WDHD1: variants seen among roughly 807,000 people sequenced by gnomAD.
WDHD1 encodes WD repeat and HMG-box DNA-binding protein 1.
In WDHD1, 111 loss-of-function variants were observed where a neutral mutation model predicts 135.4. The observed-to-expected ratio is 0.82, with a 90% CI of 0.70 to 0.96. WDHD1 has a LOEUF of 0.96. Ranked by LOEUF, WDHD1 falls within the 40% of genes least tolerant of loss-of-function variation. The pLI, the probability that WDHD1 is intolerant of heterozygous loss-of-function variation, is 0.00. For synonymous variants in WDHD1, 434 were observed against 439.0 expected (o/e 0.99, Z 0.14); for missense variants, 1,351 against 1,336.3 (o/e 1.01, Z -0.17).
chr14:54,998,929 T>C (rs1394516308), intron 10 of WDHD1, among the ~76,000 whole-genome samples: 1 of 152,224 alleles, frequency 6.6e-6, no homozygotes, highest in Non-Finnish European at 1.5e-5. Context: ...GTTCTAACTA[T>C]ACATAATTCA....
intron 18 of WDHD1, among the ~76,000 whole-genome samples, chr14:54,965,270 A>G (rs2041322523): frequency 6.6e-6 from 1 of 152,192 alleles, no homozygotes; most frequent in Admixed American, 6.5e-5. Flanking sequence ...AAATGATACT[A>G]TACTCCTCTC....
chr14:54,951,942 G>A lies in WDHD1; in HGVS notation c.3050+3619C>T, dbSNP rs893474579. 3.9e-5 allele frequency among the ~76,000 whole-genome samples: 6 copies of A among 152,164 alleles called. No homozygotes were observed. In the East Asian group the frequency reaches 7.7e-4, roughly 20 times the overall value. On this transcript the variant is annotated intron_variant, in intron 24 of 25. Transcript: ENST00000360586. ...AAGGCCTGTGACAAAATTCAACAACGCTTCATGCTAAAAAACTCTCAATAA... is the reference window on the plus strand; with the variant it reads ...AAGGCCTGTGACAAAATTCAACAACACTTCATGCTAAAAAACTCTCAATAA...
chr14:54,981,644 T>A lies in WDHD1; in HGVS notation c.1959A>T (p.Gly653=). 1.2e-6 allele frequency: 2 copies of A among 1,611,948 alleles called. No homozygotes were observed. Among genetic ancestry groups the A allele is most frequent in the Middle Eastern group, 1.7e-4 (1 of 6,054 alleles). Residue 653 remains glycine, a synonymous_variant, in exon 16 of 26, where the codon GGA becomes GGT. Coordinates refer to ENST00000360586, the MANE Select transcript of WDHD1 (RefSeq NM_007086.4). ...SEGIVRMLNR[G]LGNTWTPICN... ...ATATAGGAGTCCACGTATTACCAAG[T>A]CCTCTGTTAAGCATTCGAACAATTC... is the stretch of plus-strand genomic sequence containing the variant.
chr14:54,980,116 G>A (rs900990725), intron 16 of WDHD1, among the ~76,000 whole-genome samples: 1 of 152,018 alleles, frequency 6.6e-6, no homozygotes, highest in Admixed American at 6.6e-5. Context: ...CTTAAGCCCA[G>A]GAATTTGAGA....
intron 19 of WDHD1, 22 bp downstream of exon 19, chr14:54,962,930 A>G: frequency 6.2e-7 from 1 of 1,613,100 alleles, no homozygotes; most frequent in Non-Finnish European, 8.5e-7. Flanking sequence ...AGGAAAATTC[A>G]AACAACTAAA....
intron 16 of WDHD1, among the ~76,000 whole-genome samples, chr14:54,981,174 T>C (rs1480535472): frequency 6.8e-6 from 1 of 147,100 alleles, no homozygotes; most frequent in Non-Finnish European, 1.5e-5. Flanking sequence ...CTTAATTGTA[T>C]ATTTCAATTC....
At chr14:54,941,745 A>T (rs1566699472) in intron 25 of WDHD1, 55 bp from the exon 26 acceptor site, 3 of 1,441,718 alleles carry the variant, frequency 2.1e-6, no homozygotes, top group African/African-American at 1.4e-5. Context: ...AACAAATAAG[A>T]AGTAAATGAT....
chr14:55,011,065 C>T (rs190224368), intron 3 of WDHD1, among the ~76,000 whole-genome samples: 18 of 152,328 alleles, frequency 1.2e-4, no homozygotes, highest in Admixed American at 1.1e-3. Flanking sequence ...AGACTTCTTG[C>T]CTTCTGAACT....
At chr14:54,954,201 G>A (rs1001967305) in intron 24 of WDHD1, among the ~76,000 whole-genome samples, 8 of 151,986 alleles carry the variant, frequency 5.3e-5, no homozygotes, top group Non-Finnish European at 8.8e-5. Context: ...CAGGAGAATC[G>A]CTTGAACCTG....
chr14:55,004,151 T>C (rs569387638), intron 7 of WDHD1, among the ~76,000 whole-genome samples: 1 of 152,296 alleles, frequency 6.6e-6, no homozygotes, highest in Admixed American at 6.5e-5. Context: ...TATAGACTCA[T>C]CATGTAGAAG....
chr14:54,941,888 TC>T (rs1347417203), intron 25 of WDHD1, among the ~76,000 whole-genome samples, 198 bp from the exon 26 acceptor site: 6 of 152,216 alleles, frequency 3.9e-5, no homozygotes, highest in Non-Finnish European at 8.8e-5. Context: ...TACTTTTATA[TC>T]TCAATCTAAG....
intron 2 of WDHD1, among the ~76,000 whole-genome samples, chr14:55,019,779 GAA>G (rs759602266): frequency 2.0e-5 from 3 of 152,200 alleles, no homozygotes; most frequent in Non-Finnish European, 4.4e-5. Context: ...TGAGGAGAGA[GAA>G]TCACTTGAAC....
intron 11 of WDHD1, among the ~76,000 whole-genome samples, chr14:54,994,076 T>C (rs2041839090): frequency 6.6e-6 from 1 of 152,220 alleles, no homozygotes; most frequent in Admixed American, 6.5e-5. Context: ...ATAAGCACTC[T>C]ATTTGAAGAT....
At chr14:54,948,633 A>G (rs2040977323) in intron 24 of WDHD1, among the ~76,000 whole-genome samples, 1 of 152,204 alleles carries the variant, frequency 6.6e-6, no homozygotes, top group African/African-American at 2.4e-5. Context: ...TCCCTGTCTG[A>G]CAGCTTTGAA....
chr14:55,013,194 C>CAAAAAAAAAAAAAAAAAAAAAAAAAAAA (rs71448422), intron 3 of WDHD1, among the ~76,000 whole-genome samples: 3 of 82,320 alleles, frequency 3.6e-5, no homozygotes, highest in African/African-American at 1.6e-4. Flanking sequence ...GATCCCGTTT[C>CAAAAAAAAAAAAAAAAAAAAAAAAAAAA]AAAAAAAAAA....
chr14:54,981,529 T>C lies in WDHD1; in HGVS notation c.2063+11A>G, dbSNP rs748454405. The C allele has an allele frequency of 2.5e-6, 4 of 1,608,640 alleles. No individual in the cohort carries two copies. The Admixed American group carries it at 6.8e-5, about 27-fold the overall frequency. On this transcript the variant is annotated intron_variant, in intron 16 of 25. Coordinates refer to ENST00000360586, the MANE Select transcript of WDHD1 (RefSeq NM_007086.4). ...AAAAGAGTCAACTTTAGACTTCTTT[T>C]AATAGCCCACCTTAGTTGCTGGGGA...
At chr14:54,983,770 C>T (rs761916745) in intron 15 of WDHD1, among the ~76,000 whole-genome samples, 4 of 151,934 alleles carry the variant, frequency 2.6e-5, no homozygotes, top group Non-Finnish European at 5.9e-5. Flanking sequence ...CCTCCTGCCT[C>T]GGCCTCCCAG....
At chr14:55,015,067 G>A (rs2042237226) in intron 2 of WDHD1, among the ~76,000 whole-genome samples, 1 of 152,142 alleles carries the variant, frequency 6.6e-6, no homozygotes, top group South Asian at 2.1e-4. Flanking sequence ...TAGATAGGAG[G>A]ACTATAAGTC....
At chr14:55,004,781 C>T (rs2140218204) in intron 7 of WDHD1, 1 of 407,190 alleles carries the variant, frequency 2.5e-6, no homozygotes, top group Admixed American at 3.0e-5. Context: ...AACCTTATTT[C>T]CATGTTGCTT....
Sources: allele counts gnomAD v4.1 joint callset (sites outside exome capture counted in the v4.1 genomes callset), GRCh38; gene constraint gnomAD v4.1.1; transcripts MANE v1.5; gene names NCBI Gene and HGNC (gene_info 2026-07-23, HGNC 2026-07-21).